The following HHLA1 variants were observed in gnomAD, a reference collection of about 807,000 sequenced individuals.
HHLA1 encodes the protein HERV-H LTR-associating protein 1.
In HHLA1, 72 loss-of-function variants were observed where a neutral mutation model predicts 69.9. The observed-to-expected ratio is 1.03, with a 90% confidence interval of 0.85 to 1.25. The LOEUF is 1.25. HHLA1 is among the 50% of genes most tolerant of loss of function. The pLI, the probability that HHLA1 is intolerant of heterozygous loss-of-function variation, is 0.00. For missense variants in HHLA1, 685 were observed against 642.2 expected, an observed-to-expected ratio of 1.07 and a Z score of -0.72; for synonymous variants, 252 against 233.2, an observed-to-expected ratio of 1.08 and a Z score of -0.73.
chr8:132,072,415 AAAT>A lies in HHLA1; in HGVS notation c.1316-925_1316-923del, dbSNP rs529984857. On this transcript the variant is annotated intron_variant, in intron 14 of 16. Transcript: ENST00000414222. ...AAGTTGTTTGCATGAAACAAACAAT[AAAT>A]AATAGCAATTATTATTATTATTTAT... Among the ~76,000 whole-genome samples the A allele has an allele frequency of 3.3e-3, 495 of 152,132 alleles. 2 individuals are homozygous for A. Among genetic ancestry groups the A allele is most frequent in the Middle Eastern group, 0.014 (4 of 294 alleles).
intron 5 of HHLA1, among the ~76,000 whole-genome samples, chr8:132,098,076 G>A (rs1483240846): frequency 1.3e-5 from 2 of 152,140 alleles, no homozygotes; most frequent in Non-Finnish European, 2.9e-5. Flanking sequence ...TTTATTTACT[G>A]CCTTATCCTC....
intron 5 of HHLA1, 56 bp downstream of exon 5, chr8:132,098,826 G>C (rs972988173): frequency 6.3e-5 from 70 of 1,111,962 alleles, no homozygotes; most frequent in Non-Finnish European, 9.1e-5. Context: ...GTTCAGAAAA[G>C]ACACTGGTAC....
chr8:132,106,409 A>G (rs964053360), intron 1 of HHLA1, among the ~76,000 whole-genome samples: 2 of 152,220 alleles, frequency 1.3e-5, no homozygotes, highest in Non-Finnish European at 2.9e-5. Context: ...CATTTGTTCT[A>G]GATGCCACCC....
chr8:132,099,560 G>T (rs1417789098), intron 4 of HHLA1, among the ~76,000 whole-genome samples: 1 of 152,182 alleles, frequency 6.6e-6, no homozygotes, highest in Non-Finnish European at 1.5e-5. Context: ...ATTCCTTAAT[G>T]ATTTGGAAAC....
intron 10 of HHLA1, among the ~76,000 whole-genome samples, chr8:132,083,756 G>A (rs1478155426): frequency 2.0e-5 from 3 of 152,188 alleles, no homozygotes; most frequent in Non-Finnish European, 4.4e-5. Flanking sequence ...CGGTTCGGGC[G>A]TTTGGAAGTT....
At chr8:132,085,435 G>A (rs981816529) in intron 10 of HHLA1, 3 of 388,542 alleles carry the variant, frequency 7.7e-6, no homozygotes, top group Non-Finnish European at 1.5e-5. Context: ...TGTTTCTTGG[G>A]CTGGTCTGTC....
At chr8:132,102,375 T>G (rs1290175542) in intron 3 of HHLA1, among the ~76,000 whole-genome samples, 1 of 152,216 alleles carries the variant, frequency 6.6e-6, no homozygotes, top group Non-Finnish European at 1.5e-5. Context: ...TATCAAAGCT[T>G]CTGGGGTTAG....
Position 132,063,836 on chromosome 8 carries a change from A to C in HHLA1, c.*159T>G, listed in dbSNP as rs1207074744. The C allele has an allele frequency of 3.8e-6, 1 of 260,632 alleles. No individual in the cohort carries two copies. Among genetic ancestry groups the C allele is most frequent in the African/African-American group, 2.2e-5 (1 of 45,664 alleles). 16.1% of individuals were successfully genotyped at this position (260,632 alleles called of 1,614,324 possible). On this transcript the variant is annotated 3_prime_UTR_variant, in exon 17 of 17. Transcript: ENST00000414222. ...TTTTGCACAGATTCACAGGAGAGGG[A>C]AAAAAAATGCTACTTCCAAGAATAA...
intron 1 of HHLA1, among the ~76,000 whole-genome samples, chr8:132,109,228 A>C (rs1483973255): frequency 6.6e-6 from 1 of 152,054 alleles, no homozygotes; most frequent in Non-Finnish European, 1.5e-5. Flanking sequence ...GCTGGTCTTG[A>C]ACTCAGTCAA....
rs1438636104 is a variant in HHLA1, at chr8:132,077,894, C to T, written c.1003G>A (p.Ala335Thr). 4 of 1,551,516 alleles carry T rather than the reference C, an allele frequency of 2.6e-6. No individual in the cohort carries two copies. Among genetic ancestry groups the T allele is most frequent in the Non-Finnish European group, 3.5e-6 (4 of 1,146,942 alleles). The change falls in exon 12 of 17, where the codon GCT becomes ACT. Residue 335 changes from alanine to threonine, a missense_variant. Physicochemically the swap from Ala to Thr is moderately conservative, Grantham distance 58. Coordinates refer to ENST00000414222, the MANE Select transcript of HHLA1 (RefSeq NM_001145095.3). Reference sequence around the variant, plus strand: ...GGTTTTTTCTCACTGATGGTCTGAGCCCAGGGCACGGACGATATGGAAGCC... The same window carrying T: ...GGTTTTTTCTCACTGATGGTCTGAGTCCAGGGCACGGACGATATGGAAGCC... ...TWASISSVPW[A>T]QTISEKKPGG...
chr8:132,078,175 CA>C (rs2130882390), intron 11 of HHLA1, among the ~76,000 whole-genome samples: 1 of 69,020 alleles, frequency 1.4e-5, no homozygotes, highest in East Asian at 1.0e-3. Context: ...CCAATAAACA[CA>C]CACACACACA....
intron 3 of HHLA1, among the ~76,000 whole-genome samples, chr8:132,100,441 T>C (rs2130898350): frequency 6.6e-6 from 1 of 152,264 alleles, no homozygotes; most frequent in Non-Finnish European, 1.5e-5. Context: ...AGAAAAACCT[T>C]GCTTAAATTT....
intron 1 of HHLA1, among the ~76,000 whole-genome samples, chr8:132,106,253 T>C (rs1824200108): frequency 6.6e-6 from 1 of 152,158 alleles, no homozygotes; most frequent in African/African-American, 2.4e-5. Context: ...TGGAGAAAAA[T>C]GTTGCAGGAA....
At chr8:132,106,632 G>A (rs1192972911) in intron 1 of HHLA1, among the ~76,000 whole-genome samples, 1 of 152,242 alleles carries the variant, frequency 6.6e-6, no homozygotes, top group African/African-American at 2.4e-5. Context: ...TCCATACCAG[G>A]CATCAAGCTC....
At chr8:132,077,116 T>G (rs753098350) in intron 12 of HHLA1, among the ~76,000 whole-genome samples, 8 of 151,900 alleles carry the variant, frequency 5.3e-5, no homozygotes, top group Non-Finnish European at 8.8e-5. Context: ...AGAGAGAAGC[T>G]CAAGCAGGCA....
At chr8:132,100,243 T>A in intron 3 of HHLA1, 109 bp from the exon 4 acceptor site, 1 of 765,782 alleles carries the variant, frequency 1.3e-6, no homozygotes, top group East Asian at 2.7e-5. Flanking sequence ...CGTGTGAGAG[T>A]CACTGGCGGA....
At position 132,104,157 on chromosome 8, in the gene HHLA1, G is replaced by A; in HGVS notation, c.90C>T (p.Ile30=). 2 of 1,549,936 alleles carry A rather than the reference G, an allele frequency of 1.3e-6. No homozygotes were observed. The highest frequency in any genetic ancestry group is 1.2e-5 in the South Asian group (1 of 83,954). ...VLSLWNTVSG[I]KGEAKKEKGM... ...CCTTCTCTTTCTTGGCTTCTCCTTTGATGCCAGACACTAAAGTAAAAAAGG... is the reference window on the plus strand; with the variant it reads ...CCTTCTCTTTCTTGGCTTCTCCTTTAATGCCAGACACTAAAGTAAAAAAGG... The change falls in exon 3 of 17, where the codon ATC becomes ATT. Residue 30 remains isoleucine (I), a synonymous_variant. Coordinates refer to ENST00000414222, the MANE Select transcript of HHLA1 (RefSeq NM_001145095.3).
chr8:132,090,453 A>C (rs1454397392), intron 7 of HHLA1, among the ~76,000 whole-genome samples: 1 of 152,186 alleles, frequency 6.6e-6, no homozygotes. Flanking sequence ...ATGCTGTGTA[A>C]ATGCTCCTTT....
intron 10 of HHLA1, among the ~76,000 whole-genome samples, chr8:132,084,685 TAAG>T (rs1324262196): frequency 7.2e-6 from 1 of 139,784 alleles, no homozygotes; most frequent in African/African-American, 2.7e-5. Flanking sequence ...GGCTAAGGGA[TAAG>T]AAGGAGGAAT....
Sources: allele counts gnomAD v4.1 joint callset (sites outside exome capture counted in the v4.1 genomes callset), GRCh38; gene constraint gnomAD v4.1.1; transcripts MANE v1.5; gene names NCBI Gene and HGNC (gene_info 2026-07-23, HGNC 2026-07-21).